The following ABCD3 variants were observed in gnomAD, a reference collection of about 807,000 sequenced individuals.
ABCD3 encodes the protein ATP-binding cassette sub-family D member 3.
ABCD3 carries 41 observed loss-of-function variants against 105.5 expected under a neutral mutation model. That is an observed-to-expected ratio of 0.39 (90% CI 0.30 to 0.50). The LOEUF is 0.50. Among genes scored for constraint, ABCD3 ranks in the 20% least tolerant of loss-of-function variants. The probability of loss-of-function intolerance (pLI) is 0.84; values close to 1 mark genes in which losing one functional copy is unlikely to be tolerated. For synonymous variants in ABCD3, 258 were observed against 269.0 expected, an observed-to-expected ratio of 0.96 and a Z score of 0.40; for missense variants, 622 against 806.3, an observed-to-expected ratio of 0.77 and a Z score of 2.77.
chr1:94,487,483 A>G (rs1649329755), intron 10 of ABCD3, 59 bp from the exon 11 acceptor site: 2 of 1,436,666 alleles, frequency 1.4e-6, no homozygotes, highest in Non-Finnish European at 1.9e-6. Context: ...TTATCCTTAT[A>G]GTAGATTCAG....
At chr1:94,488,836 G>A (rs201461010) in intron 13 of ABCD3, among the ~76,000 whole-genome samples, 4 of 107,482 alleles carry the variant, frequency 3.7e-5, no homozygotes, top group African/African-American at 9.9e-5. Flanking sequence ...TCTCTCTCTC[G>A]CTCTCTTTCT....
At chr1:94,481,682 C>G (rs1387099223) in intron 9 of ABCD3, 1 of 152,318 alleles carries the variant, frequency 6.6e-6, no homozygotes. Context: ...ACAGATTTCA[C>G]TAGCTCCTCT....
chr1:94,502,104 T>C (rs1385600595), intron 20 of ABCD3, among the ~76,000 whole-genome samples: 2 of 152,164 alleles, frequency 1.3e-5, no homozygotes, highest in Non-Finnish European at 1.5e-5. Flanking sequence ...TTTCCCACTT[T>C]TTGTGTCATC....
At chr1:94,415,815 T>A (rs1003529637), upstream of ABCD3, among the ~76,000 whole-genome samples, 5 of 152,238 alleles carry the variant, frequency 3.3e-5, no homozygotes, top group Admixed American at 6.5e-5. Context: ...CCTAAACTCC[T>A]CTCTTTCTCT....
Position 94,473,834 on chromosome 1 carries a change from T to C in ABCD3, c.404T>C (p.Leu135Pro). ...YLLNFIAAMP[L>P]ISLVNNFLKY... Reference sequence around the variant, plus strand: ...CTCAACTTCATCGCTGCCATGCCTCTTGTAAGTTTAATTCATTAAAAATCT... The same window carrying C: ...CTCAACTTCATCGCTGCCATGCCTCCTGTAAGTTTAATTCATTAAAAATCT... The change falls in exon 5 of 23, where the codon CTT becomes CCT. Residue 135 changes from leucine (L) to proline (P), a missense_variant and splice_region_variant. Leu to Pro is a moderately conservative substitution (Grantham distance 98). This residue lies in a region of ABCD3 where 245 missense variants were observed against 356.4 expected (regional missense o/e 0.69). Transcript: ENST00000370214. 1.9e-6 allele frequency: 3 copies of C among 1,611,504 alleles called. No individual in the cohort carries two copies. Among genetic ancestry groups the C allele is most frequent in the Non-Finnish European group, 1.7e-6 (2 of 1,178,284 alleles).
chr1:94,498,483 C>A (rs1032266563), intron 16 of ABCD3, 119 bp from the exon 17 acceptor site: 14 of 1,034,876 alleles, frequency 1.4e-5, no homozygotes, highest in Non-Finnish European at 2.9e-6. Context: ...CATTTACAGA[C>A]AAATAGAAGG....
At position 94,490,269 on chromosome 1, in the gene ABCD3, T is replaced by C. The variant is rs138712283; in HGVS notation, c.1322+294T>C. 4.7e-3 allele frequency among the ~76,000 whole-genome samples: 721 copies of C among 152,132 alleles called. 5 individuals carry two copies. Among genetic ancestry groups the C allele is most frequent in the African/African-American group, 0.017 (699 of 41,548 alleles). On this transcript the variant is annotated intron_variant, in intron 15 of 22. Coordinates refer to ENST00000370214, the MANE Select transcript of ABCD3 (RefSeq NM_002858.4). ...GTTTAGTGAGAATTTAATTTAGATG[T>C]GTCTTAGCAAATTTCAGGTATACAA...
chr1:94,472,372 C>A, intron 4 of ABCD3: 1 of 194,632 alleles, frequency 5.1e-6, no homozygotes, highest in Non-Finnish European at 9.2e-6. Flanking sequence ...TTTGTACTGT[C>A]TTGATTGCTT....
At chr1:94,466,854 AAG>A (rs1648163998) in intron 3 of ABCD3, among the ~76,000 whole-genome samples, 1 of 152,180 alleles carries the variant, frequency 6.6e-6, no homozygotes, top group Non-Finnish European at 1.5e-5. Flanking sequence ...AGGGAGGTAG[AAG>A]GGGCTAATTT....
At chr1:94,447,724 G>A (rs1019368729) in intron 1 of ABCD3, among the ~76,000 whole-genome samples, 1 of 152,092 alleles carries the variant, frequency 6.6e-6, no homozygotes, top group African/African-American at 2.4e-5. Flanking sequence ...TCTAGTGCTG[G>A]TTTAATTATA....
At chr1:94,436,414 C>CAAA (rs1659904159) in intron 1 of ABCD3, among the ~76,000 whole-genome samples, 1 of 152,182 alleles carries the variant, frequency 6.6e-6, no homozygotes, top group East Asian at 1.9e-4. Context: ...AATATCTCTA[C>CAAA]TATTAATATG....
intron 21 of ABCD3, among the ~76,000 whole-genome samples, chr1:94,508,731 G>A (rs1650497002): frequency 6.6e-6 from 1 of 151,780 alleles, no homozygotes; most frequent in South Asian, 2.1e-4. Context: ...TGGATTCCTA[G>A]GTATTTTATT....
At chr1:94,385,906 T>C in the ABCD3 span, among the ~76,000 whole-genome samples, 8 of 152,102 alleles carry the variant, frequency 5.3e-5, no homozygotes, top group African/African-American at 1.9e-4. Context: ...AAAAAAATGC[T>C]CAAGAAAAAA....
intron 1 of ABCD3, among the ~76,000 whole-genome samples, chr1:94,447,717 A>G (rs367771237): frequency 4.6e-5 from 7 of 152,278 alleles, no homozygotes; most frequent in African/African-American, 1.4e-4. Context: ...TTCAGTTTCT[A>G]GTGCTGGTTT....
At chr1:94,404,002 G>A in the ABCD3 span, among the ~76,000 whole-genome samples, 8 of 152,068 alleles carry the variant, frequency 5.3e-5, no homozygotes, top group Non-Finnish European at 8.8e-5. Context: ...GTATACAAAT[G>A]TATACCTGTA....
chr1:94,488,818 ACT>A (rs35741156), intron 13 of ABCD3, among the ~76,000 whole-genome samples: 22 of 146,418 alleles, frequency 1.5e-4, no homozygotes, highest in Middle Eastern at 3.5e-3. Flanking sequence ...GTTTCCTTTC[ACT>A]CTCTCTCTCT....
chr1:94,425,835 G>T (rs1331685385), intron 1 of ABCD3, among the ~76,000 whole-genome samples: 1 of 152,120 alleles, frequency 6.6e-6, no homozygotes. Context: ...TATTATGGAG[G>T]TAGTTTGGCA....
chr1:94,485,568 C>T (rs1261197480), intron 10 of ABCD3, among the ~76,000 whole-genome samples: 1 of 152,156 alleles, frequency 6.6e-6, no homozygotes, highest in Admixed American at 6.5e-5. Flanking sequence ...TATTCTCATC[C>T]TTTAGATTTT....
At chr1:94,392,840 G>A in the ABCD3 span, among the ~76,000 whole-genome samples, 15 of 152,202 alleles carry the variant, frequency 9.9e-5, no homozygotes, top group South Asian at 1.9e-3. Flanking sequence ...TAGGCTGGGC[G>A]TGGTGGCTCA....
Sources: gnomAD v4.1 joint callset for allele counts (sites outside exome capture counted in the v4.1 genomes callset) on GRCh38, gnomAD v4.1.1 for gene constraint, gnomAD v4.1.1 regional missense constraint, MANE v1.5 for transcripts, NCBI Gene and HGNC (gene_info 2026-07-23, HGNC 2026-07-21) for gene names.